Variants in ACP6 observed in about 807,000 individuals in gnomAD.
ACP6 encodes the protein acid phosphatase 6, lysophosphatidic.
ACP6 carries 48 observed loss-of-function variants against 48.1 expected under a neutral mutation model. The observed-to-expected ratio is 1.00, with a 90% CI of 0.79 to 1.27. ACP6 has a LOEUF of 1.27. Ranked by LOEUF, ACP6 falls within the 50% of genes most tolerant of loss-of-function variation. The pLI, the probability that ACP6 is intolerant of heterozygous loss-of-function variation, is 0.00. For synonymous variants in ACP6, 172 were observed against 204.2 expected (o/e 0.84, Z 1.34); for missense variants, 485 against 529.1 (o/e 0.92, Z 0.82).
At chr1:147,632,729 G>A (rs1159541757) in intron 5 of ACP6, among the ~76,000 whole-genome samples, 3 of 152,154 alleles carry the variant, frequency 2.0e-5, no homozygotes, top group Admixed American at 6.5e-5. Flanking sequence ...GGACTTACAT[G>A]CTAAGTGTTT....
At chr1:147,640,416 T>C (rs1659417245), downstream of ACP6, among the ~76,000 whole-genome samples, 1 of 152,060 alleles carries the variant, frequency 6.6e-6, no homozygotes, top group Non-Finnish European at 1.5e-5. Context: ...CCCACAGCCC[T>C]GAGGAATGCT....
Position 147,647,315 on chromosome 1 carries a change from T to G in ACP6, c.*108A>C. 7.8e-7 allele frequency: 1 copy of G among 1,277,540 alleles called. No individual in the cohort carries two copies. The highest frequency in any genetic ancestry group is 2.1e-4 in the Middle Eastern group (1 of 4,752). The allele number at this position is 1,277,540 out of a possible 1,614,324, so 79.1% of individuals were successfully genotyped here. On this transcript the variant is annotated 3_prime_UTR_variant, in exon 10 of 10. Transcript: ENST00000583509. ...GAAAGGAAATATCCTTACATTATAT[T>G]AAAGTACATTACCCCTTGCTCTCTC... is the stretch of plus-strand genomic sequence containing the variant.
At chr1:147,635,176 C>T (rs1159297956) in intron 5 of ACP6, among the ~76,000 whole-genome samples, 1 of 152,156 alleles carries the variant, frequency 6.6e-6, no homozygotes, top group Non-Finnish European at 1.5e-5. Flanking sequence ...AGAGTATCTT[C>T]ATTTCTCATA....
chr1:147,649,842 T>C, intron 8 of ACP6: 1 of 413,828 alleles, frequency 2.4e-6, no homozygotes, highest in Non-Finnish European at 4.3e-6. Context: ...ATCTTTGTTT[T>C]GGACTATTAT....
Position 147,659,464 on chromosome 1 carries a change from C to T in ACP6, c.411G>A (p.Glu137=), listed in dbSNP as rs1316410979. ...VGMQQMFALG[E]RLRKNYVEDI... The stretch of plus-strand genomic sequence containing the variant: ...CTTCCACATAGTTCTTCCTCAGTCT[C>T]TCTCCCAAGGCAAACATTTGCTGCA... The change falls in exon 3 of 10, where the codon GAG becomes GAA. Residue 137 remains glutamate (E), a synonymous_variant. Coordinates refer to ENST00000583509, the MANE Select transcript of ACP6 (RefSeq NM_016361.5). 1 of 1,614,230 alleles carries T rather than the reference C, an allele frequency of 6.2e-7. No individual in the cohort carries two copies. Among genetic ancestry groups the T allele is most frequent in the Admixed American group, 1.7e-5 (1 of 60,030 alleles).
At chr1:147,669,777 G>C in intron 1 of ACP6, 53 bp downstream of exon 1, 2 of 1,496,310 alleles carry the variant, frequency 1.3e-6, no homozygotes, top group Non-Finnish European at 1.8e-6. Flanking sequence ...CGAGACTCCT[G>C]GCCTGGCACA....
At chr1:147,656,823 A>G (rs1660282343) in intron 4 of ACP6, among the ~76,000 whole-genome samples, 1 of 152,260 alleles carries the variant, frequency 6.6e-6, no homozygotes, top group South Asian at 2.1e-4. Context: ...TCAACCATGG[A>G]TTAACAATAT....
rs1315653632 is a variant in ACP6, at chr1:147,646,115, G to C, written c.*1308C>G. 6.6e-6 allele frequency: 1 copy of C among 152,224 alleles called. No individual in the cohort carries two copies. Among genetic ancestry groups the C allele is most frequent in the East Asian group, 1.9e-4 (1 of 5,200 alleles). The allele number at this position is 152,224 out of a possible 1,614,324, so 9.4% of individuals were successfully genotyped here. Reference sequence around the variant, plus strand: ...ACAGTAACCAGCAGACTGAGGATGGGAAGGGGATGCTGAAGATTGAGGATA... The same window carrying C: ...ACAGTAACCAGCAGACTGAGGATGGCAAGGGGATGCTGAAGATTGAGGATA... On this transcript the variant is annotated 3_prime_UTR_variant, in exon 10 of 10. Transcript: ENST00000583509.
intron 1 of ACP6, among the ~76,000 whole-genome samples, chr1:147,667,816 C>G (rs1660875197): frequency 6.6e-6 from 1 of 151,994 alleles, no homozygotes; most frequent in African/African-American, 2.4e-5. Context: ...ATGATGAAAC[C>G]TCGTCTCTAG....
At chr1:147,648,013 C>A in intron 9 of ACP6, 1 of 562,804 alleles carries the variant, frequency 1.8e-6, no homozygotes, top group Non-Finnish European at 3.1e-6. Flanking sequence ...GACCCTGTTC[C>A]TAGGAGTCTG....
chr1:147,670,176 C>CA lies in ACP6; in HGVS notation c.-129dup. Reference sequence around the variant, plus strand: ...CTGCGGATGCGTACATCCAGCCCTTCAGCAAGCAGGGACCGCTGTGCCTCC... The same window carrying CA: ...CTGCGGATGCGTACATCCAGCCCTTCAAGCAAGCAGGGACCGCTGTGCCTCC... On this transcript the variant is annotated 5_prime_UTR_variant, in exon 1 of 10. Coordinates refer to ENST00000583509, the MANE Select transcript of ACP6 (RefSeq NM_016361.5). 3.5e-6 allele frequency: 3 copies of CA among 849,682 alleles called. No homozygotes were observed. In the South Asian group the frequency reaches 5.6e-5, roughly 16 times the overall value. 52.6% of individuals were successfully genotyped at this position (849,682 alleles called of 1,614,324 possible). A position where few individuals can be genotyped will look rare whatever the true frequency, so the allele number is the denominator to read the frequency against.
At chr1:147,657,633 C>T (rs1660325400) in intron 4 of ACP6, among the ~76,000 whole-genome samples, 1 of 152,104 alleles carries the variant, frequency 6.6e-6, no homozygotes. Flanking sequence ...CTTGGCCAGG[C>T]TGGTCTTGAA....
At chr1:147,632,021 G>A (rs587650803) in intron 5 of ACP6, among the ~76,000 whole-genome samples, 5 of 152,002 alleles carry the variant, frequency 3.3e-5, no homozygotes, top group South Asian at 2.1e-4. Context: ...TATCTCCAGC[G>A]TGCCAAGGCC....
chr1:147,659,028 G>A lies in ACP6; in HGVS notation c.491C>T (p.Thr164Ile), dbSNP rs1660397410. 6.2e-7 allele frequency: 1 copy of A among 1,611,574 alleles called. No individual in the cohort carries two copies. The highest frequency in any genetic ancestry group is 8.5e-7 in the Non-Finnish European group (1 of 1,178,920). The change falls in exon 4 of 10, where the codon ACT becomes ATT. Residue 164 changes from threonine (T) to isoleucine (I), a missense_variant. Physicochemically the swap from Thr to Ile is moderately conservative, Grantham distance 89 (BLOSUM62 -1). Coordinates refer to ENST00000583509, the MANE Select transcript of ACP6 (RefSeq NM_016361.5). ...FNPQEVFIRS[T>I]NIFRNLESTR... is the part of the protein sequence containing the mutation. ...GGACTCCAGATTCCGAAAAATGTTA[G>A]TGGAACGAATACTGAAAAAAATGAG...
chr1:147,654,185 A>T lies in ACP6; in HGVS notation c.780+9T>A. 1 of 1,613,728 alleles carries T rather than the reference A, an allele frequency of 6.2e-7. No homozygotes were observed. Among genetic ancestry groups the T allele is most frequent in the East Asian group, 2.2e-5 (1 of 44,878 alleles). On this transcript the variant is annotated intron_variant, in intron 6 of 9. Coordinates refer to ENST00000583509, the MANE Select transcript of ACP6 (RefSeq NM_016361.5). ...CTATTATCCCAGGCTCCCCAACCCCAGGACTCACCTGCTCGGCAGCCACGT... is the reference window on the plus strand; with the variant it reads ...CTATTATCCCAGGCTCCCCAACCCCTGGACTCACCTGCTCGGCAGCCACGT...
intron 5 of ACP6, among the ~76,000 whole-genome samples, chr1:147,631,945 C>A (rs933569489): frequency 2.6e-5 from 4 of 152,252 alleles, no homozygotes; most frequent in Middle Eastern, 3.4e-3. Flanking sequence ...GCCCCAGCGC[C>A]TCTCCAGTTT....
At position 147,652,508 on chromosome 1, in the gene ACP6, T is replaced by G. The variant is rs782081462; in HGVS notation, c.822A>C (p.Ala274=). The G allele has an allele frequency of 1.2e-6, 2 of 1,613,984 alleles. No individual in the cohort carries two copies. The highest frequency in any genetic ancestry group is 1.7e-6 in the Non-Finnish European group (2 of 1,180,012). The change falls in exon 7 of 10, where the codon GCA becomes GCC. Residue 274 remains alanine, a synonymous_variant. Coordinates refer to ENST00000583509, the MANE Select transcript of ACP6 (RefSeq NM_016361.5). Reference sequence around the variant, plus strand: ...CCACAGCTCTCTGTTCGATCATCCTTGCAAATCTCTTCAGCATGGGGCAGC... The same window carrying G: ...CCACAGCTCTCTGTTCGATCATCCTGGCAAATCTCTTCAGCATGGGGCAGC... ...LPSCPMLKRF[A]RMIEQRAVDT...
chr1:147,661,136 ATTTG>A (rs1319496882), intron 1 of ACP6, among the ~76,000 whole-genome samples: 3 of 151,956 alleles, frequency 2.0e-5, no homozygotes, highest in Admixed American at 6.6e-5. Flanking sequence ...ATGATTTATG[ATTTG>A]TTTTTCTTTT....
In ACP6 at chr1:147,644,644, A is replaced by G. The variant is rs1659557405; in HGVS notation, c.*2779T>C. On this transcript the variant is annotated 3_prime_UTR_variant, in exon 10 of 10. Transcript: ENST00000583509. The stretch of plus-strand genomic sequence containing the variant: ...ATGGTCAATTCTGGATATAGTTTGA[A>G]GAGAGATACAACAGGAGTTACTGAT... The G allele has an allele frequency of 6.6e-6, 1 of 152,258 alleles. No homozygotes were observed. Among genetic ancestry groups the G allele is most frequent in the African/African-American group, 2.4e-5 (1 of 41,458 alleles). The allele number at this position is 152,258 out of a possible 1,614,324, so 9.4% of individuals were successfully genotyped here.
Sources: allele counts gnomAD v4.1 joint callset (sites outside exome capture counted in the v4.1 genomes callset), GRCh38; gene constraint gnomAD v4.1.1; transcripts MANE v1.5; gene names NCBI Gene and HGNC (gene_info 2026-07-23, HGNC 2026-07-21).